Variants in ELOVL7 observed in about 807,000 individuals in gnomAD.
The protein encoded by ELOVL7 is ELOVL fatty acid elongase 7.
ELOVL7 carries 27 observed loss-of-function variants against 35.7 expected under a neutral mutation model. The observed-to-expected ratio is 0.76, with a 90% confidence interval of 0.56 to 1.04. The LOEUF is 1.04. ELOVL7 is among the 50% of genes least tolerant of loss of function. ELOVL7 has a pLI of 0.00. For missense variants in ELOVL7, 327 were observed against 340.8 expected, an observed-to-expected ratio of 0.96 and a Z score of 0.32; for synonymous variants, 113 against 114.6, an observed-to-expected ratio of 0.99 and a Z score of 0.09.
At chr5:60,821,990 G>GA (rs1284142562) in intron 1 of ELOVL7, among the ~76,000 whole-genome samples, 1 of 152,234 alleles carries the variant, frequency 6.6e-6, no homozygotes, top group African/African-American at 2.4e-5. Context: ...GATAGTTTGA[G>GA]AAGCACTTCT....
At chr5:60,780,155 T>C (rs111572505) in intron 3 of ELOVL7, among the ~76,000 whole-genome samples, 68 of 151,500 alleles carry the variant, frequency 4.5e-4, no homozygotes, top group Non-Finnish European at 7.5e-4. Flanking sequence ...GTTTCGTTCT[T>C]GTTGCCCAGG....
At chr5:60,838,279 T>A (rs1746951463) in intron 1 of ELOVL7, among the ~76,000 whole-genome samples, 1 of 152,174 alleles carries the variant, frequency 6.6e-6, no homozygotes, top group Non-Finnish European at 1.5e-5. Flanking sequence ...AGATTCTATT[T>A]CCCACTCCTC....
At chr5:60,803,751 A>G (rs1232095563) in intron 1 of ELOVL7, among the ~76,000 whole-genome samples, 2 of 152,208 alleles carry the variant, frequency 1.3e-5, no homozygotes, top group African/African-American at 4.8e-5. Flanking sequence ...CCCCAATAAC[A>G]ATGACATAAT....
At chr5:60,785,764 A>C (rs1471748284) in intron 3 of ELOVL7, 1 of 152,224 alleles carries the variant, frequency 6.6e-6, no homozygotes, top group Non-Finnish European at 1.5e-5. Context: ...AAGAAAAGAT[A>C]GGCATAGTCA....
At chr5:60,838,026 G>A (rs1283191297) in intron 1 of ELOVL7, among the ~76,000 whole-genome samples, 1 of 152,192 alleles carries the variant, frequency 6.6e-6, no homozygotes, top group Non-Finnish European at 1.5e-5. Flanking sequence ...GGGAGGAGGA[G>A]AGGTTTCATA....
Position 60,772,997 on chromosome 5 carries a change from A to G in ELOVL7, c.65-904T>C, listed in dbSNP as rs375409458. On this transcript the variant is annotated intron_variant, in intron 3 of 8. Coordinates refer to ENST00000508821, the MANE Select transcript of ELOVL7 (RefSeq NM_024930.3). ...GCTAAAGTATGGGATTTTGGAGTCCATGTGAGCTAACAACTGTGATATTCT... is the reference window on the plus strand; with the variant it reads ...GCTAAAGTATGGGATTTTGGAGTCCGTGTGAGCTAACAACTGTGATATTCT... Among the ~76,000 whole-genome samples, 11 of 152,312 alleles carry G rather than the reference A, an allele frequency of 7.2e-5. No homozygotes were observed. The East Asian group carries it at 1.2e-3, about 16-fold the overall frequency.
chr5:60,754,547 T>C lies in ELOVL7; in HGVS notation c.*77A>G, dbSNP rs1741413659. The C allele has an allele frequency of 6.2e-6, 8 of 1,280,542 alleles. No homozygotes were observed. The highest frequency in any genetic ancestry group is 8.9e-6 in the Non-Finnish European group (8 of 902,464). 79.3% of individuals were successfully genotyped at this position (1,280,542 alleles called of 1,614,324 possible). A position where few individuals can be genotyped will look rare whatever the true frequency, so the allele number is the denominator to read the frequency against. On this transcript the variant is annotated 3_prime_UTR_variant, in exon 9 of 9. Transcript: ENST00000508821. The stretch of plus-strand genomic sequence containing the variant: ...TCTTAGTTTTGAAAAATATACAAAA[T>C]GCACTGCATAGGTAAATATCTCTTG...
At chr5:60,772,890 C>T (rs895927506) in intron 3 of ELOVL7, among the ~76,000 whole-genome samples, 3 of 152,096 alleles carry the variant, frequency 2.0e-5, no homozygotes, top group Non-Finnish European at 4.4e-5. Context: ...TAATTTTTTT[C>T]CTTCCCCAGG....
intron 1 of ELOVL7, among the ~76,000 whole-genome samples, chr5:60,802,426 C>T (rs1222208095): frequency 6.6e-6 from 1 of 152,030 alleles, no homozygotes; most frequent in Non-Finnish European, 1.5e-5. Flanking sequence ...ACATGAGCAA[C>T]AGGCATAAAA....
chr5:60,766,705 T>C (rs1441238324), intron 5 of ELOVL7, 75 bp from the exon 6 acceptor site: 6 of 1,276,060 alleles, frequency 4.7e-6, no homozygotes, highest in Non-Finnish European at 6.7e-6. Context: ...TTTGGTAAAA[T>C]ATGCATACCA....
chr5:60,762,471 CT>C (rs1363635277), intron 7 of ELOVL7, among the ~76,000 whole-genome samples: 24 of 152,134 alleles, frequency 1.6e-4, no homozygotes, highest in African/African-American at 5.5e-4. Context: ...CATTCTTGAA[CT>C]GTCAGATATT....
chr5:60,759,101 G>C (rs947515993), intron 7 of ELOVL7, among the ~76,000 whole-genome samples: 2 of 152,076 alleles, frequency 1.3e-5, no homozygotes, highest in Non-Finnish European at 2.9e-5. Flanking sequence ...CTAGATACTA[G>C]CACTGCTGAA....
At chr5:60,790,278 G>A (rs1276351483) in intron 2 of ELOVL7, among the ~76,000 whole-genome samples, 1 of 152,082 alleles carries the variant, frequency 6.6e-6, no homozygotes, top group African/African-American at 2.4e-5. Context: ...AGGTAGACAC[G>A]AAAAAGGGAA....
chr5:60,803,036 T>C (rs1744734077), intron 1 of ELOVL7, among the ~76,000 whole-genome samples: 1 of 152,168 alleles, frequency 6.6e-6, no homozygotes, highest in African/African-American at 2.4e-5. Flanking sequence ...AAAGGGAACT[T>C]CTTTGTGTCT....
At chr5:60,808,565 C>A (rs1745076318) in intron 1 of ELOVL7, among the ~76,000 whole-genome samples, 1 of 152,180 alleles carries the variant, frequency 6.6e-6, no homozygotes, top group Non-Finnish European at 1.5e-5. Flanking sequence ...TTGGTCAACA[C>A]AATTCCTATT....
rs1418629164 is a variant in ELOVL7 at position 60,752,584 on chromosome 5, T to A, written c.*2040A>T. On this transcript the variant is annotated 3_prime_UTR_variant, in exon 9 of 9. Coordinates refer to ENST00000508821, the MANE Select transcript of ELOVL7 (RefSeq NM_024930.3). Reference sequence around the variant, plus strand: ...AAAACAGTTAAGGAGTCCTGAGACCTTTCCAGTGGAATAAATTAGAGCAGC... The same window carrying A: ...AAAACAGTTAAGGAGTCCTGAGACCATTCCAGTGGAATAAATTAGAGCAGC... The A allele has an allele frequency of 6.6e-6, 1 of 152,642 alleles. No homozygotes were observed. The highest frequency in any genetic ancestry group is 2.4e-5 in the African/African-American group (1 of 41,454). 9.5% of individuals were successfully genotyped at this position (152,642 alleles called of 1,614,324 possible).
chr5:60,784,313 G>A (rs1743437175), intron 3 of ELOVL7: 1 of 453,172 alleles, frequency 2.2e-6, no homozygotes. Flanking sequence ...GCAAAAAAAG[G>A]ATCATGACTA....
intron 1 of ELOVL7, among the ~76,000 whole-genome samples, chr5:60,842,206 G>A (rs1028214667): frequency 6.6e-6 from 1 of 152,118 alleles, no homozygotes; most frequent in Admixed American, 6.5e-5. Context: ...GGGAGTGGGC[G>A]AGACTGATAA....
intron 1 of ELOVL7, among the ~76,000 whole-genome samples, chr5:60,816,214 T>A (rs1381463310): frequency 6.6e-6 from 1 of 152,080 alleles, no homozygotes; most frequent in Admixed American, 6.6e-5. Flanking sequence ...TCCCCATCTC[T>A]ACTAAAAGTA....
Sources: gnomAD v4.1 joint callset for allele counts (sites outside exome capture counted in the v4.1 genomes callset) on GRCh38, gnomAD v4.1.1 for gene constraint, MANE v1.5 for transcripts, NCBI Gene and HGNC (gene_info 2026-07-23, HGNC 2026-07-21) for gene names.